Variants in TMEM132D observed in about 807,000 individuals in gnomAD.
The protein encoded by TMEM132D is mature OL transmembrane protein.
Under a neutral mutation model 62.3 loss-of-function variants are expected in TMEM132D, and 21 were observed. That is an observed-to-expected ratio of 0.34 (90% CI 0.24 to 0.49). TMEM132D has a LOEUF of 0.49. Ranked by LOEUF, TMEM132D falls within the 20% of genes least tolerant of loss-of-function variation. The probability of loss-of-function intolerance (pLI) is 0.99; values close to 1 mark genes in which losing one functional copy is unlikely to be tolerated. For synonymous variants in TMEM132D, 621 were observed against 575.6 expected (o/e 1.08, Z -1.13); for missense variants, 1,346 against 1,402.8 (o/e 0.96, Z 0.65).
rs73422461 is a variant in TMEM132D at position 129,377,603 on chromosome 12, G to A, written c.1116-39786C>T. ...TACCATATTCCAGTGTCCCTTTTGT[G>A]AGAATCCACAAAAGGAATCTTGTTC... On this transcript the variant is annotated intron_variant, in intron 3 of 8. Transcript: ENST00000422113. 2.9e-3 allele frequency among the ~76,000 whole-genome samples: 439 copies of A among 152,288 alleles called. 1 individual carries two copies. The highest frequency in any genetic ancestry group is 0.01 in the African/African-American group (419 of 41,568).
rs1874093347 is a variant in TMEM132D, at chr12:129,867,428, C to A, written c.79+35833G>T. ...GAGGAGCAGAGTAAAATGGTAGTTG[C>A]CAGGGCTCAGCAACACTGGTGAGAG... is the stretch of plus-strand genomic sequence containing the variant. On this transcript the variant is annotated intron_variant, in intron 1 of 8. Coordinates refer to ENST00000422113, the MANE Select transcript of TMEM132D (RefSeq NM_133448.3). This position sits in a 1 kb window ranked among gnomAD's most constrained non-coding sequence, Gnocchi z 4.5. Among the ~76,000 whole-genome samples the A allele has an allele frequency of 1.3e-5, 2 of 152,098 alleles. No individual in the cohort carries two copies. The highest frequency in any genetic ancestry group is 2.9e-5 in the Non-Finnish European group (2 of 68,020).
intron 4 of TMEM132D, among the ~76,000 whole-genome samples, chr12:129,298,639 A>T (rs1881633512): frequency 6.6e-6 from 1 of 152,092 alleles, no homozygotes; most frequent in Non-Finnish European, 1.5e-5. Context: ...TGGCTCCCCT[A>T]TTTCTGGTAA....
intron 4 of TMEM132D, among the ~76,000 whole-genome samples, chr12:129,282,158 T>A (rs1881173614): frequency 6.6e-6 from 1 of 152,096 alleles, no homozygotes. Context: ...AAAGATGAGA[T>A]AAGAGTGAGG....
rs188396620 is a variant in TMEM132D at position 129,265,406 on chromosome 12, T to A, written c.1300-55743A>T. 4.0e-3 allele frequency among the ~76,000 whole-genome samples: 614 copies of A among 152,302 alleles called. 1 individual carries two copies. Among genetic ancestry groups the A allele is most frequent in the Middle Eastern group, 6.8e-3 (2 of 294 alleles). ...AAATGGGCAAAATGTGGGGCGGATC[T>A]CCTGGGGAAATGTGATTTTGGTCCG... On this transcript the variant is annotated intron_variant, in intron 4 of 8. Transcript: ENST00000422113.
intron 4 of TMEM132D, among the ~76,000 whole-genome samples, chr12:129,327,487 C>A (rs1868952801): frequency 6.6e-6 from 1 of 152,210 alleles, no homozygotes; most frequent in South Asian, 2.1e-4. Context: ...AACCCAATAA[C>A]CCACATGTGG....
chr12:129,454,214 G>A (rs1873389754), intron 3 of TMEM132D, among the ~76,000 whole-genome samples: 1 of 152,168 alleles, frequency 6.6e-6, no homozygotes, highest in Non-Finnish European at 1.5e-5. Flanking sequence ...ACAGGTCCAA[G>A]CATTGCTATT....
At chr12:129,743,957 G>A (rs989887251) in intron 1 of TMEM132D, among the ~76,000 whole-genome samples, 4 of 152,056 alleles carry the variant, frequency 2.6e-5, no homozygotes, top group East Asian at 3.9e-4. Context: ...ACAAAAAAGC[G>A]TGTGCTGTTT....
At chr12:129,275,105 C>T (rs543755197) in intron 4 of TMEM132D, among the ~76,000 whole-genome samples, 1 of 152,032 alleles carries the variant, frequency 6.6e-6, no homozygotes, top group South Asian at 2.1e-4. Context: ...CAGTGTGAGA[C>T]CCCACCTTTT....
At chr12:129,289,566 A>AAAAAAAAAAAAAAAAAG (rs1566023043) in intron 4 of TMEM132D, among the ~76,000 whole-genome samples, 2 of 144,728 alleles carry the variant, frequency 1.4e-5, no homozygotes, top group East Asian at 2.2e-4. Context: ...AAAAAAAAAG[A>AAAAAAAAAAAAAAAAAG]AAAAAAAGAA....
At chr12:129,323,971 T>G (rs1327608146) in intron 4 of TMEM132D, among the ~76,000 whole-genome samples, 1 of 152,158 alleles carries the variant, frequency 6.6e-6, no homozygotes, top group East Asian at 1.9e-4. Context: ...AGCAGTTACC[T>G]CCTTCACCCA....
At chr12:129,578,032 G>A (rs1182058158) in intron 2 of TMEM132D, among the ~76,000 whole-genome samples, 1 of 152,192 alleles carries the variant, frequency 6.6e-6, no homozygotes, top group Non-Finnish European at 1.5e-5. Context: ...GGCAGACGAA[G>A]GGTCCATTTT....
intron 1 of TMEM132D, among the ~76,000 whole-genome samples, chr12:129,789,305 G>A (rs113102691): frequency 2.1e-4 from 32 of 152,116 alleles, no homozygotes; most frequent in Admixed American, 1.2e-3. Flanking sequence ...TTATAAGGGA[G>A]AACAAACAAT....
At chr12:129,152,022 C>T (rs1054450603) in intron 5 of TMEM132D, among the ~76,000 whole-genome samples, 4 of 152,098 alleles carry the variant, frequency 2.6e-5, no homozygotes, top group South Asian at 2.1e-4. Context: ...GGACTACAGG[C>T]GCCCGCCATC....
chr12:129,728,461 A>G (rs1869112726), intron 1 of TMEM132D, among the ~76,000 whole-genome samples: 1 of 152,172 alleles, frequency 6.6e-6, no homozygotes, highest in African/African-American at 2.4e-5. Flanking sequence ...TTCTAGAACA[A>G]TCAGCCACTT....
In TMEM132D at chr12:129,550,534, G is replaced by A. The variant is rs529586485; in HGVS notation, c.969-19329C>T. Among the ~76,000 whole-genome samples, 47 of 152,258 alleles carry A rather than the reference G, an allele frequency of 3.1e-4. No individual in the cohort carries two copies. The South Asian group carries it at 6.4e-3, about 21-fold the overall frequency. ...CTTAGCAGCCCACATGCTCTAATGC[G>A]GTGATTTGTCAGAAGCCAGGTGTTC... is the stretch of plus-strand genomic sequence containing the variant. On this transcript the variant is annotated intron_variant, in intron 2 of 8. Coordinates refer to ENST00000422113, the MANE Select transcript of TMEM132D (RefSeq NM_133448.3).
intron 1 of TMEM132D, among the ~76,000 whole-genome samples, chr12:129,790,393 G>T (rs529279144): frequency 1.3e-5 from 2 of 152,258 alleles, no homozygotes; most frequent in South Asian, 4.2e-4. Context: ...AAATGTGGGG[G>T]ATTTTATTGC....
intron 4 of TMEM132D, among the ~76,000 whole-genome samples, chr12:129,231,254 C>A (rs1342093807): frequency 6.6e-6 from 1 of 152,218 alleles, no homozygotes; most frequent in African/African-American, 2.4e-5. Flanking sequence ...TTAGGGCACT[C>A]CTTGAATCAG....
At chr12:129,690,708 T>C (rs1717358928) in intron 2 of TMEM132D, among the ~76,000 whole-genome samples, 3 of 152,240 alleles carry the variant, frequency 2.0e-5, no homozygotes, top group South Asian at 2.1e-4. Flanking sequence ...TAATCACTGA[T>C]AGAACTTGAA....
intron 3 of TMEM132D, among the ~76,000 whole-genome samples, chr12:129,360,394 C>G (rs1870207216): frequency 6.6e-6 from 1 of 152,184 alleles, no homozygotes; most frequent in Non-Finnish European, 1.5e-5. Context: ...GAAAATGCTA[C>G]TTTTCTGCAC....
Sources: gnomAD v4.1 joint callset for allele counts (sites outside exome capture counted in the v4.1 genomes callset) on GRCh38, gnomAD v4.1.1 for gene constraint, Gnocchi (gnomAD v3.1) non-coding constraint, MANE v1.5 for transcripts, NCBI Gene and HGNC (gene_info 2026-07-23, HGNC 2026-07-21) for gene names.